The following NRG1 variants were observed in gnomAD, a reference collection of about 807,000 sequenced individuals.
The protein encoded by NRG1 is pro-neuregulin-1, membrane-bound isoform.
A neutral mutation model predicts 63.8 loss-of-function variants in NRG1; 18 were observed. The observed-to-expected ratio is 0.28, with a 90% CI of 0.19 to 0.42. The LOEUF is 0.42. Among genes scored for constraint, NRG1 ranks in the 10% least tolerant of loss-of-function variants. NRG1 has a pLI of 1.00. For missense variants in NRG1, 762 were observed against 814.7 expected, an observed-to-expected ratio of 0.94 and a Z score of 0.79; for synonymous variants, 302 against 301.3, an observed-to-expected ratio of 1.00 and a Z score of -0.02.
intron 1 of NRG1, among the ~76,000 whole-genome samples, chr8:31,974,163 A>G (rs1370064023): frequency 6.6e-6 from 1 of 152,090 alleles, no homozygotes; most frequent in Non-Finnish European, 1.5e-5. Flanking sequence ...CATATACATG[A>G]CATTACCTTC....
At chr8:32,684,991 C>T (rs1201362800) in intron 5 of NRG1, among the ~76,000 whole-genome samples, 4 of 152,130 alleles carry the variant, frequency 2.6e-5, no homozygotes, top group South Asian at 2.1e-4. Flanking sequence ...ACAGAGAGAA[C>T]CCCTGTACCC....
intron 5 of NRG1, among the ~76,000 whole-genome samples, chr8:32,727,518 A>G (rs1196021779): frequency 6.6e-6 from 1 of 152,208 alleles, no homozygotes; most frequent in Non-Finnish European, 1.5e-5. Flanking sequence ...ATAGGCATGT[A>G]AAACATTTCA....
At chr8:31,698,812 T>C (rs1271643332) in intron 1 of NRG1, among the ~76,000 whole-genome samples, 1 of 152,234 alleles carries the variant, frequency 6.6e-6, no homozygotes, top group Non-Finnish European at 1.5e-5. Flanking sequence ...TAAATCTTTG[T>C]TTTCATCAGA....
At chr8:31,927,847 C>CT (rs1283920440) in intron 1 of NRG1, among the ~76,000 whole-genome samples, 1 of 150,262 alleles carries the variant, frequency 6.7e-6, no homozygotes, top group African/African-American at 2.4e-5. Context: ...TTGAGTATTT[C>CT]TTTTTTTAAA....
chr8:31,865,522 AG>A (rs1188293603), intron 1 of NRG1, among the ~76,000 whole-genome samples: 3 of 152,004 alleles, frequency 2.0e-5, no homozygotes, highest in Non-Finnish European at 4.4e-5. Flanking sequence ...GAGACCTTGT[AG>A]GAGGTAATTT....
At chr8:31,783,727 A>G (rs1819919902) in intron 1 of NRG1, among the ~76,000 whole-genome samples, 1 of 152,136 alleles carries the variant, frequency 6.6e-6, no homozygotes, top group South Asian at 2.1e-4. Context: ...TTTCAAAAGT[A>G]ATTTGGAACA....
At chr8:32,402,806 A>C (rs1412293728) in intron 1 of NRG1, among the ~76,000 whole-genome samples, 1 of 152,176 alleles carries the variant, frequency 6.6e-6, no homozygotes, top group Admixed American at 6.5e-5. Context: ...TGAACTGTGA[A>C]GAAGAAAAAA....
chr8:32,206,970 G>A (rs996645537), intron 1 of NRG1, among the ~76,000 whole-genome samples: 6 of 152,140 alleles, frequency 3.9e-5, no homozygotes, highest in African/African-American at 1.4e-4. Context: ...TGACTAAAAT[G>A]ACTGAATCCA....
At chr8:32,673,749 T>A (rs1806314882) in intron 5 of NRG1, among the ~76,000 whole-genome samples, 1 of 152,214 alleles carries the variant, frequency 6.6e-6, no homozygotes, top group Non-Finnish European at 1.5e-5. Context: ...TTGCCCCACA[T>A]TTCTAAAGAC....
chr8:32,308,324 G>T (rs182382692), intron 1 of NRG1, among the ~76,000 whole-genome samples: 65 of 152,214 alleles, frequency 4.3e-4, no homozygotes, highest in African/African-American at 1.5e-3. Context: ...CATATGAGCT[G>T]CCATGTGTTT....
intron 1 of NRG1, among the ~76,000 whole-genome samples, chr8:32,103,049 A>T (rs539465842): frequency 6.6e-6 from 1 of 152,310 alleles, no homozygotes; most frequent in African/African-American, 2.4e-5. Flanking sequence ...CAAACAATTC[A>T]ATTATGTTTT....
At chr8:32,051,006 T>G (rs1181653491) in intron 1 of NRG1, among the ~76,000 whole-genome samples, 1 of 152,172 alleles carries the variant, frequency 6.6e-6, no homozygotes, top group African/African-American at 2.4e-5. Context: ...GTGGAATCGA[T>G]TTCTGCGTAG....
chr8:32,267,068 AAAAGAAAGAGAG>A (rs1189345234), intron 1 of NRG1, among the ~76,000 whole-genome samples: 1 of 149,916 alleles, frequency 6.7e-6, no homozygotes, highest in East Asian at 2.0e-4. Flanking sequence ...AAGAAAGAAA[AAAAGAAAGAGAG>A]AGAGAAAGAG....
chr8:32,027,598 T>C (rs1256094051), intron 1 of NRG1, among the ~76,000 whole-genome samples: 1 of 151,882 alleles, frequency 6.6e-6, no homozygotes, highest in Non-Finnish European at 1.5e-5. Context: ...GCCTCTTGAC[T>C]CTCTTCTCAC....
intron 1 of NRG1, among the ~76,000 whole-genome samples, chr8:31,908,890 T>C (rs1461091365): frequency 6.6e-6 from 1 of 152,214 alleles, no homozygotes; most frequent in African/African-American, 2.4e-5. Context: ...TTCAAGTTCA[T>C]TGATTATGAG....
At chr8:32,281,184 C>CTTTTTTTTTTTTTTTTTTTTTTTTTTT (rs35582021) in intron 1 of NRG1, among the ~76,000 whole-genome samples, 1 of 94,326 alleles carries the variant, frequency 1.1e-5, no homozygotes, top group Non-Finnish European at 2.0e-5. Flanking sequence ...GTAGTTTTTC[C>CTTTTTTTTTTTTTTTTTTTTTTTTTTT]TTTTTTTTTT....
Position 32,304,770 on chromosome 8 carries a change from G to A in NRG1, c.38-291058G>A, listed in dbSNP as rs915960554. 5.9e-5 allele frequency among the ~76,000 whole-genome samples: 9 copies of A among 152,038 alleles called. 1 individual carries two copies. The highest frequency in any genetic ancestry group is 2.6e-4 in the Admixed American group (4 of 15,250). ...TTGTCTCACACCTGTAATCCCAGGC[G>A]TGATTAATTTGGGAGGCTGAAGCAG... is the stretch of plus-strand genomic sequence containing the variant. On this transcript the variant is annotated intron_variant, in intron 1 of 10. Transcript: ENST00000519301.
intron 1 of NRG1, among the ~76,000 whole-genome samples, chr8:31,787,184 A>G (rs966842729): frequency 6.6e-6 from 1 of 152,226 alleles, no homozygotes; most frequent in African/African-American, 2.4e-5. Flanking sequence ...AGTAAGAAAA[A>G]TACTAAATTA....
chr8:32,476,568 G>A (rs932480204), intron 1 of NRG1, among the ~76,000 whole-genome samples: 1 of 152,122 alleles, frequency 6.6e-6, no homozygotes, highest in African/African-American at 2.4e-5. Context: ...AAGCTCCAGA[G>A]GGTTTATAAG....
Sources: allele counts gnomAD v4.1 joint callset (sites outside exome capture counted in the v4.1 genomes callset), GRCh38; gene constraint gnomAD v4.1.1; transcripts MANE v1.5; gene names NCBI Gene and HGNC (gene_info 2026-07-23, HGNC 2026-07-21).